Variants in CNTN5 observed in about 807,000 individuals in gnomAD.
CNTN5 encodes the protein contactin 5, also known as contactin-5.
Under a neutral mutation model 129.1 loss-of-function variants are expected in CNTN5, and 77 were observed. That is an observed-to-expected ratio of 0.60 (90% CI 0.50 to 0.72). The LOEUF (loss-of-function observed/expected upper bound fraction) is 0.72, where lower values mean the gene tolerates loss of function less well. CNTN5 is among the 30% of genes least tolerant of loss of function. The probability of loss-of-function intolerance (pLI) is 0.00; values close to 1 mark genes in which losing one functional copy is unlikely to be tolerated. For missense variants in CNTN5, 1,478 were observed against 1,328.8 expected (o/e 1.11, Z -1.75); for synonymous variants, 509 against 465.6 (o/e 1.09, Z -1.20).
intron 6 of CNTN5, among the ~76,000 whole-genome samples, chr11:99,876,544 G>T (rs11221727): frequency 0.17 from 25,639 of 152,058 alleles, 2,222 homozygotes; most frequent in South Asian, 0.19. Flanking sequence ...GGGGGGTATG[G>T]TCTGAATACA....
intron 1 of CNTN5, among the ~76,000 whole-genome samples, chr11:99,136,568 G>A (rs537106288): frequency 1.5e-3 from 224 of 152,126 alleles, no homozygotes; most frequent in Non-Finnish European, 2.3e-3. Context: ...CATGCACAAA[G>A]CCTCACCTCA....
intron 3 of CNTN5, among the ~76,000 whole-genome samples, chr11:99,767,304 G>A (rs1239257051): frequency 6.6e-6 from 1 of 152,094 alleles, no homozygotes; most frequent in East Asian, 1.9e-4. Context: ...CAGAGAGAGA[G>A]AGAGAGACAG....
chr11:99,129,165 G>A (rs1048939250), intron 1 of CNTN5, among the ~76,000 whole-genome samples: 10 of 152,088 alleles, frequency 6.6e-5, no homozygotes, highest in South Asian at 2.1e-4. Flanking sequence ...TGAACTAAAG[G>A]ATTATGTTCT....
At chr11:100,223,569 T>C (rs1949312215) in intron 15 of CNTN5, among the ~76,000 whole-genome samples, 1 of 152,158 alleles carries the variant, frequency 6.6e-6, no homozygotes, top group Admixed American at 6.6e-5. Context: ...ATTATCAGGA[T>C]ACTGACTACT....
At chr11:99,667,324 G>A (rs1362301291) in intron 3 of CNTN5, among the ~76,000 whole-genome samples, 1 of 151,816 alleles carries the variant, frequency 6.6e-6, no homozygotes, top group Non-Finnish European at 1.5e-5. Flanking sequence ...TAGCTTTTCA[G>A]CTGTTTACTA....
At chr11:99,907,696 A>G (rs138999391) in intron 6 of CNTN5, among the ~76,000 whole-genome samples, 48 of 152,098 alleles carry the variant, frequency 3.2e-4, no homozygotes, top group African/African-American at 1.1e-3. Flanking sequence ...ATAGATATAT[A>G]TGACACATTT....
At chr11:100,026,464 T>G (rs973426573) in intron 9 of CNTN5, among the ~76,000 whole-genome samples, 1 of 152,236 alleles carries the variant, frequency 6.6e-6, no homozygotes. Flanking sequence ...ACTGGCAAAC[T>G]GATTTCCAAA....
intron 3 of CNTN5, among the ~76,000 whole-genome samples, chr11:99,572,478 T>G (rs1949206507): frequency 6.6e-6 from 1 of 152,196 alleles, no homozygotes; most frequent in African/African-American, 2.4e-5. Flanking sequence ...AAAAGGTCCT[T>G]TTTAGTTTGC....
intron 1 of CNTN5, among the ~76,000 whole-genome samples, chr11:99,043,049 G>A (rs961368616): frequency 9.9e-5 from 15 of 152,190 alleles, no homozygotes; most frequent in Middle Eastern, 3.4e-3. Flanking sequence ...TGCTAAAGCC[G>A]TTCCTATCCT....
intron 1 of CNTN5, among the ~76,000 whole-genome samples, chr11:99,064,354 A>G (rs1186310043): frequency 2.0e-5 from 3 of 152,154 alleles, no homozygotes; most frequent in Admixed American, 2.0e-4. Flanking sequence ...ATTGGCATCA[A>G]ATCCTAAATA....
At chr11:99,602,737 G>A (rs568748265) in intron 3 of CNTN5, among the ~76,000 whole-genome samples, 80 of 150,598 alleles carry the variant, frequency 5.3e-4, no homozygotes, top group Admixed American at 2.8e-3. Context: ...CTCCCAGCAC[G>A]CAGCTGGAGA....
chr11:99,497,298 T>C (rs1424531550), intron 2 of CNTN5, among the ~76,000 whole-genome samples: 2 of 152,178 alleles, frequency 1.3e-5, no homozygotes, highest in African/African-American at 4.8e-5. Context: ...GAGAAATAGA[T>C]TGCTTTGATG....
rs768042153 is a variant in CNTN5 at position 99,117,655 on chromosome 11, T to C, written c.-210+96385T>C. Among the ~76,000 whole-genome samples the C allele has an allele frequency of 3.4e-4, 51 of 152,156 alleles. 1 individual carries two copies. The highest frequency in any genetic ancestry group is 3.2e-3 in the Middle Eastern group (1 of 316). The stretch of plus-strand genomic sequence containing the variant: ...CACCCAATGTATTGGTATTTGGAAG[T>C]GGGATCTTTGGGAGACAATTAGCTT... On this transcript the variant is annotated intron_variant, in intron 1 of 24. Coordinates refer to ENST00000524871, the MANE Select transcript of CNTN5 (RefSeq NM_014361.4).
intron 1 of CNTN5, among the ~76,000 whole-genome samples, chr11:99,128,812 A>G (rs1026029864): frequency 1.3e-5 from 2 of 152,084 alleles, no homozygotes; most frequent in African/African-American, 4.8e-5. Flanking sequence ...CACTGGTGAT[A>G]TCCAGGTGAA....
chr11:99,484,333 A>G (rs567559514), intron 2 of CNTN5, among the ~76,000 whole-genome samples: 3 of 152,314 alleles, frequency 2.0e-5, no homozygotes, highest in Admixed American at 6.5e-5. Context: ...ATGAGGTATC[A>G]TCTCACCCCT....
chr11:99,996,204 C>A lies in CNTN5; in HGVS notation c.878-5830C>A, dbSNP rs1408287137. 2.0e-5 allele frequency among the ~76,000 whole-genome samples: 3 copies of A among 151,980 alleles called. No homozygotes were observed. The East Asian group carries it at 5.8e-4, about 29-fold the overall frequency. On this transcript the variant is annotated intron_variant, in intron 8 of 24. Coordinates refer to ENST00000524871, the MANE Select transcript of CNTN5 (RefSeq NM_014361.4). ...CAATTCAGTTATTAATTGGTTTTTCCCATCTAGTGCCTTTTGTCTGTTTTT... is the reference window on the plus strand; with the variant it reads ...CAATTCAGTTATTAATTGGTTTTTCACATCTAGTGCCTTTTGTCTGTTTTT...
intron 13 of CNTN5, among the ~76,000 whole-genome samples, chr11:100,128,048 T>G (rs549387037): frequency 6.6e-6 from 1 of 152,284 alleles, no homozygotes; most frequent in Non-Finnish European, 1.5e-5. Flanking sequence ...AGATGATCTC[T>G]ATTGTATCAA....
intron 1 of CNTN5, among the ~76,000 whole-genome samples, chr11:99,267,306 G>T (rs1240774574): frequency 1.3e-5 from 2 of 152,028 alleles, no homozygotes; most frequent in Non-Finnish European, 2.9e-5. Context: ...GTTTTTTTAA[G>T]ATGACAAAGG....
At chr11:99,978,757 C>T (rs1347307150) in intron 8 of CNTN5, among the ~76,000 whole-genome samples, 1 of 152,150 alleles carries the variant, frequency 6.6e-6, no homozygotes, top group Admixed American at 6.5e-5. Flanking sequence ...ATCCTCATCA[C>T]TAAGTGACGC....
Sources: gnomAD v4.1 joint callset for allele counts (sites outside exome capture counted in the v4.1 genomes callset) on GRCh38, gnomAD v4.1.1 for gene constraint, MANE v1.5 for transcripts, NCBI Gene and HGNC (gene_info 2026-07-23, HGNC 2026-07-21) for gene names.